The following CTBP1 variants were observed in gnomAD, a reference collection of about 807,000 sequenced individuals.
The protein encoded by CTBP1 is C-terminal binding protein 1, also known as C-terminal-binding protein 1.
In CTBP1, 11 loss-of-function variants were observed where a neutral mutation model predicts 42.1. The observed-to-expected ratio is 0.26, with a 90% CI of 0.16 to 0.43. CTBP1 has a LOEUF of 0.43. Among genes scored for constraint, CTBP1 ranks in the 20% least tolerant of loss-of-function variants. CTBP1 has a pLI of 1.00. For synonymous variants in CTBP1, 324 were observed against 277.1 expected (o/e 1.17, Z -1.68); for missense variants, 399 against 624.3 (o/e 0.64, Z 3.85).
At chr4:1,221,875 G>T in intron 5 of CTBP1, 2 of 410,388 alleles carry the variant, frequency 4.9e-6, no homozygotes, top group Non-Finnish European at 9.8e-6. Context: ...AAGGAAGGAA[G>T]GGAAGGAGGG....
At chr4:1,214,619 G>T (rs1184401334) in intron 6 of CTBP1, 146 bp from the exon 7 acceptor site, 5 of 1,066,680 alleles carry the variant, frequency 4.7e-6, no homozygotes, top group Non-Finnish European at 6.5e-6. Context: ...ACGGCGCTAG[G>T]ACTGAAGGCC....
At chr4:1,213,370 C>G in intron 8 of CTBP1, 108 bp downstream of exon 8, 1 of 1,553,132 alleles carries the variant, frequency 6.4e-7, no homozygotes, top group Admixed American at 1.8e-5. Context: ...ACCACGGGCC[C>G]TGAGCTGGCA....
chr4:1,247,910 A>G (rs1433948888), intron 1 of CTBP1, among the ~76,000 whole-genome samples: 1 of 152,022 alleles, frequency 6.6e-6, no homozygotes, highest in East Asian at 1.9e-4. Context: ...CCTTTTCCCC[A>G]CTGGAAGGGA....
intron 4 of CTBP1, among the ~76,000 whole-genome samples, chr4:1,226,556 CCA>C (rs955650772): frequency 2.7e-4 from 40 of 148,644 alleles, no homozygotes; most frequent in African/African-American, 9.5e-4. Flanking sequence ...AAGCCAGGCG[CCA>C]CACGAGATTG....
At chr4:1,230,587 G>A (rs1730863382) in intron 3 of CTBP1, among the ~76,000 whole-genome samples, 1 of 152,216 alleles carries the variant, frequency 6.6e-6, no homozygotes, top group Non-Finnish European at 1.5e-5. Flanking sequence ...TGTGTGTGCA[G>A]AGGCTCGGCA....
At chr4:1,239,157 C>T (rs1019388888) in intron 2 of CTBP1, among the ~76,000 whole-genome samples, 7 of 152,246 alleles carry the variant, frequency 4.6e-5, no homozygotes, top group Non-Finnish European at 1.0e-4. Flanking sequence ...CCATTCCTTT[C>T]GCGTATGACG....
intron 2 of CTBP1, among the ~76,000 whole-genome samples, chr4:1,239,931 G>T (rs559756969): frequency 2.0e-5 from 3 of 152,346 alleles, no homozygotes; most frequent in Non-Finnish European, 4.4e-5. Flanking sequence ...ACTGTACATG[G>T]CCTCCCTCTG....
chr4:1,244,360 G>GGC (rs1025466648), intron 1 of CTBP1: 33 of 984,368 alleles, frequency 3.4e-5, no homozygotes, highest in Non-Finnish European at 3.9e-5. Flanking sequence ...GCACTGGGGG[G>GGC]GGGGTGTTCC....
intron 1 of CTBP1, among the ~76,000 whole-genome samples, chr4:1,248,245 G>C (rs950613377): frequency 6.6e-6 from 1 of 151,900 alleles, no homozygotes; most frequent in Non-Finnish European, 1.5e-5. Context: ...GGGGCGCTGG[G>C]CCGGTCCGGG....
intron 1 of CTBP1, chr4:1,248,669 G>A (rs1733022600): frequency 1.0e-6 from 1 of 983,442 alleles, no homozygotes; most frequent in African/African-American, 1.8e-5. Context: ...ACCTGCACGG[G>A]CCGCGGGCGG....
At chr4:1,219,780 G>A (rs1228020102) in intron 5 of CTBP1, among the ~76,000 whole-genome samples, 3 of 152,168 alleles carry the variant, frequency 2.0e-5, no homozygotes, top group South Asian at 2.1e-4. Context: ...CTCCGGCCTC[G>A]GCCTCATAAC....
At chr4:1,215,773 CAG>C in intron 6 of CTBP1, 2 of 596,380 alleles carry the variant, frequency 3.4e-6, no homozygotes, top group East Asian at 2.8e-5. Flanking sequence ...CTGTCTTGTC[CAG>C]AGAGTATTTT....
rs1252285589 is a variant in CTBP1, at chr4:1,211,604, C to T, written c.*636G>A. The T allele has an allele frequency of 6.6e-6, 1 of 152,380 alleles. No homozygotes were observed. The highest frequency in any genetic ancestry group is 1.5e-5 in the Non-Finnish European group (1 of 68,036). The allele number at this position is 152,380 out of a possible 1,614,324, so 9.4% of individuals were successfully genotyped here. ...CCCTCCACGTCCCCAGGACAGACGT[C>T]GATGGGCAGCGGGCACGCTGGGCAC... is the stretch of plus-strand genomic sequence containing the variant. On this transcript the variant is annotated 3_prime_UTR_variant, in exon 10 of 10. Coordinates refer to ENST00000382952, the MANE Select transcript of CTBP1 (RefSeq NM_001012614.2).
chr4:1,215,627 G>T, intron 6 of CTBP1: 1 of 331,570 alleles, frequency 3.0e-6, no homozygotes, highest in South Asian at 3.0e-5. Flanking sequence ...GCCCGTTCCA[G>T]CTGCAGATGT....
rs201441952 is a variant in CTBP1 at position 1,225,353 on chromosome 4, G to A, written c.514+7C>T. The A allele has an allele frequency of 8.3e-5, 128 of 1,545,238 alleles. No homozygotes were observed. The highest frequency in any genetic ancestry group is 5.6e-4 in the East Asian group (23 of 41,128). On this transcript the variant is annotated splice_region_variant and intron_variant, in intron 5 of 9. Transcript: ENST00000382952. ...GGGACACAGGCGTGGAGCTGCGGCC[G>A]ACGCACCAAGTCCGATGATGCCCAA... is the stretch of plus-strand genomic sequence containing the variant.
intron 1 of CTBP1, chr4:1,245,264 C>T (rs1732600028): frequency 1.0e-6 from 1 of 985,350 alleles, no homozygotes; most frequent in African/African-American, 1.7e-5. Context: ...TGATCAAAGG[C>T]ATGGATTTGC....
At chr4:1,225,993 C>T (rs556350885) in intron 4 of CTBP1, among the ~76,000 whole-genome samples, 29 of 152,186 alleles carry the variant, frequency 1.9e-4, no homozygotes, top group Non-Finnish European at 3.4e-4. Flanking sequence ...GCCTGCACAC[C>T]CCTACGTGGA....
chr4:1,239,832 C>T (rs976548840), intron 2 of CTBP1, among the ~76,000 whole-genome samples: 30 of 152,364 alleles, frequency 2.0e-4, no homozygotes, highest in Admixed American at 1.6e-3. Context: ...GAGGTCTGCA[C>T]GGTCAAAACC....
intron 1 of CTBP1, chr4:1,248,660 C>T: frequency 5.1e-6 from 5 of 983,386 alleles, no homozygotes; most frequent in Non-Finnish European, 6.0e-6. Context: ...TTTTGTGTCA[C>T]CTGCACGGGC....
Sources: gnomAD v4.1 joint callset for allele counts (sites outside exome capture counted in the v4.1 genomes callset) on GRCh38, gnomAD v4.1.1 for gene constraint, MANE v1.5 for transcripts, NCBI Gene and HGNC (gene_info 2026-07-23, HGNC 2026-07-21) for gene names.